Variants in PI4KA observed in about 807,000 individuals in gnomAD.
PI4KA encodes the protein PI4-kinase alpha.
In PI4KA, 122 loss-of-function variants were observed where a neutral mutation model predicts 271.4. The observed-to-expected ratio is 0.45, with a 90% confidence interval of 0.39 to 0.52. The LOEUF is 0.52. Among genes scored for constraint, PI4KA ranks in the 20% least tolerant of loss-of-function variants. The pLI is 0.00. For synonymous variants in PI4KA, 1,041 were observed against 1,078.8 expected (o/e 0.96, Z 0.69); for missense variants, 1,969 against 2,769.1 (o/e 0.71, Z 6.48).
chr22:20,806,705 T>TACATGTA (rs1333881618), intron 10 of PI4KA, among the ~76,000 whole-genome samples: 1 of 152,024 alleles, frequency 6.6e-6, no homozygotes, highest in African/African-American at 2.4e-5. Context: ...ATTAACAGAT[T>TACATGTA]ACATGTATTA....
chr22:20,727,294 C>T lies in PI4KA; in HGVS notation c.4877G>A (p.Ser1626Asn). The T allele has an allele frequency of 6.2e-7, 1 of 1,613,196 alleles. No individual in the cohort carries two copies. Among genetic ancestry groups the T allele is most frequent in the Non-Finnish European group, 8.5e-7 (1 of 1,179,920 alleles). ...CGTGAGAGGGTGCGGCGGGTACATG[C>T]TGGAGAAGTAGGAGAGGCCTGTGGG... ...DPPTGLSYFSSMYPPHPLTAQ... is the reference protein window; with the variant it reads ...DPPTGLSYFSNMYPPHPLTAQ... The change falls in exon 41 of 55, where the codon AGC (serine) becomes AAC (asparagine). Residue 1626 changes from serine (S) to asparagine (N), a missense_variant. This residue lies in a region of PI4KA where 388 missense variants were observed against 521.5 expected (regional missense o/e 0.74). Transcript: ENST00000255882.
intron 1 of PI4KA, among the ~76,000 whole-genome samples, chr22:20,849,124 T>A (rs1306297794): frequency 3.3e-5 from 5 of 152,176 alleles, no homozygotes; most frequent in Admixed American, 1.3e-4. Context: ...GGCAAATGCA[T>A]ATCAACAACA....
At chr22:20,765,474 T>G in intron 20 of PI4KA, 111 bp downstream of exon 20, 1 of 799,162 alleles carries the variant, frequency 1.3e-6, no homozygotes, top group South Asian at 1.6e-5. Flanking sequence ...AAGAAGCAGC[T>G]GCATGTGGAC....
chr22:20,803,850 C>CT (rs1935487601), intron 12 of PI4KA, among the ~76,000 whole-genome samples: 1 of 152,200 alleles, frequency 6.6e-6, no homozygotes, highest in Non-Finnish European at 1.5e-5. Context: ...GTGCTCATCT[C>CT]TTTTGGAAGC....
chr22:20,788,836 A>G (rs1037775659), intron 19 of PI4KA, among the ~76,000 whole-genome samples: 56 of 152,022 alleles, frequency 3.7e-4, no homozygotes, highest in African/African-American at 1.2e-3. Flanking sequence ...TGCCTGTCCT[A>G]TATTTCTCAT....
intron 19 of PI4KA, chr22:20,786,883 C>G (rs774578733): frequency 1.9e-6 from 3 of 1,614,186 alleles, no homozygotes; most frequent in Non-Finnish European, 2.5e-6. Flanking sequence ...AGTTCAAGCA[C>G]CAAGGCACGA....
intron 3 of PI4KA, among the ~76,000 whole-genome samples, chr22:20,826,970 TTTTC>T (rs1171942127): frequency 6.6e-6 from 1 of 152,212 alleles, no homozygotes; most frequent in African/African-American, 2.4e-5. Context: ...TTTGCAAATA[TTTTC>T]TTTCATTCAG....
chr22:20,817,917 G>A (rs904814967), intron 7 of PI4KA, among the ~76,000 whole-genome samples: 4 of 151,720 alleles, frequency 2.6e-5, no homozygotes, highest in Non-Finnish European at 5.9e-5. Flanking sequence ...TTGAGGTCAG[G>A]AGTTCAAGAC....
chr22:20,731,827 G>A (rs958883498), intron 36 of PI4KA, among the ~76,000 whole-genome samples: 6 of 152,078 alleles, frequency 3.9e-5, no homozygotes, highest in Admixed American at 3.9e-4. Context: ...TACTTGGGAG[G>A]CTGAAGCAGG....
intron 5 of PI4KA, 47 bp downstream of exon 5, chr22:20,820,492 G>A: frequency 8.2e-7 from 1 of 1,220,692 alleles, no homozygotes; most frequent in South Asian, 1.3e-5. Context: ...GCAAGGGAAA[G>A]AGTAACCACA....
intron 19 of PI4KA, chr22:20,783,919 C>A (rs1328307612): frequency 6.2e-7 from 1 of 1,609,980 alleles, no homozygotes. Context: ...AAGGGTGAGA[C>A]GATTTCCCTA....
In PI4KA at chr22:20,835,878, C is replaced by T. The variant is rs569065361; in HGVS notation, c.274-1223G>A. On this transcript the variant is annotated intron_variant, in intron 2 of 54. Coordinates refer to ENST00000255882, the MANE Select transcript of PI4KA (RefSeq NM_058004.4). ...CCTGGCCAATATGGTGAAACCCCTTCTCTACTAAAAATACAAAAAATTAGC... is the reference window on the plus strand; with the variant it reads ...CCTGGCCAATATGGTGAAACCCCTTTTCTACTAAAAATACAAAAAATTAGC... Among the ~76,000 whole-genome samples the T allele has an allele frequency of 3.5e-3, 537 of 151,962 alleles. 3 individuals are homozygous for T. Among genetic ancestry groups the T allele is most frequent in the Middle Eastern group, 6.8e-3 (2 of 294 alleles).
At chr22:20,854,426 T>C (rs921974122) in intron 1 of PI4KA, among the ~76,000 whole-genome samples, 1 of 152,030 alleles carries the variant, frequency 6.6e-6, no homozygotes, top group Admixed American at 6.6e-5. Flanking sequence ...CAGCCTAAGG[T>C]AATTTTTTTT....
intron 29 of PI4KA, 123 bp downstream of exon 29, chr22:20,747,460 T>G: frequency 1.0e-6 from 1 of 989,172 alleles, no homozygotes. Flanking sequence ...TCAACAGACA[T>G]CCACAGCACC....
chr22:20,743,066 C>T, intron 30 of PI4KA: 1 of 414,964 alleles, frequency 2.4e-6, no homozygotes, highest in Non-Finnish European at 4.4e-6. Flanking sequence ...GGGGTCTGAC[C>T]CATGGTGGGA....
Position 20,733,816 on chromosome 22 carries a change from C to T in PI4KA, c.4080G>A (p.Leu1360=). ...FKLLTLGLSL[L]HADVVPNATI... ...TTGCATTTGGAACCACATCGGCATG[C>T]AGGAGGGACAGCCCCAGGGTCAGCA... Residue 1360 remains leucine (L), a synonymous_variant, in exon 35 of 55, where the codon CTG becomes CTA. Transcript: ENST00000255882. 1 of 1,612,250 alleles carries T rather than the reference C, an allele frequency of 6.2e-7. No homozygotes were observed. The highest frequency in any genetic ancestry group is 8.5e-7 in the Non-Finnish European group (1 of 1,179,858).
intron 20 of PI4KA, 92 bp from the exon 21 acceptor site, chr22:20,765,328 T>C: frequency 7.5e-7 from 1 of 1,329,640 alleles, no homozygotes; most frequent in Non-Finnish European, 1.0e-6. Flanking sequence ...ATGGGTCCTT[T>C]GAGACAATTA....
In PI4KA at chr22:20,734,073, C is replaced by T. The variant is rs1454887036; in HGVS notation, c.4022G>A (p.Arg1341Gln). 5.0e-6 allele frequency: 8 copies of T among 1,603,494 alleles called. No individual in the cohort carries two copies. The highest frequency in any genetic ancestry group is 2.2e-5 in the South Asian group (2 of 89,770). ...GCGGGGCCCGATGGCCGCCACGTGC[C>T]GGTTCATGCTCCCCTTGGCCCCGCC... ...NIGGAKGSMN[R>Q]HVAAIGPRFK... Residue 1341 changes from arginine (R) to glutamine (Q), a missense_variant, in exon 34 of 55, where the codon CGG becomes CAG. This residue lies in a region of PI4KA where 72 missense variants were observed against 103.1 expected (regional missense o/e 0.70). Coordinates refer to ENST00000255882, the MANE Select transcript of PI4KA (RefSeq NM_058004.4).
intron 41 of PI4KA, 26 bp from the exon 42 acceptor site, chr22:20,726,567 A>C: frequency 1.3e-6 from 2 of 1,575,922 alleles, no homozygotes; most frequent in Admixed American, 1.8e-5. Context: ...AGAGTTGGCC[A>C]TGACTTCTGA....
Sources: allele counts gnomAD v4.1 joint callset (sites outside exome capture counted in the v4.1 genomes callset), GRCh38; gene constraint gnomAD v4.1.1; regional missense constraint gnomAD v4.1.1; transcripts MANE v1.5; gene names NCBI Gene and HGNC (gene_info 2026-07-23, HGNC 2026-07-21).